Variants in ATP8B4 observed in about 807,000 individuals in gnomAD.
ATP8B4 encodes the protein ATPase phospholipid transporting 8B4 (putative).
Under a neutral mutation model 145.6 loss-of-function variants are expected in ATP8B4, and 133 were observed. That is an observed-to-expected ratio of 0.91 (90% CI 0.79 to 1.05). The LOEUF is 1.05. Ranked by LOEUF, ATP8B4 falls within the 50% of genes least tolerant of loss-of-function variation. ATP8B4 has a pLI of 0.00. For missense variants in ATP8B4, 1,458 were observed against 1,425.2 expected (o/e 1.02, Z -0.37); for synonymous variants, 507 against 492.9 (o/e 1.03, Z -0.38).
intron 3 of ATP8B4, among the ~76,000 whole-genome samples, chr15:50,069,853 A>G (rs1364080730): frequency 2.0e-5 from 3 of 152,308 alleles, no homozygotes; most frequent in African/African-American, 7.2e-5. Flanking sequence ...TACTAAATGG[A>G]GCCCCATCTT....
At chr15:50,091,295 A>G (rs1015424160) in intron 2 of ATP8B4, among the ~76,000 whole-genome samples, 9 of 152,184 alleles carry the variant, frequency 5.9e-5, no homozygotes, top group African/African-American at 2.2e-4. Context: ...TGCTTACCCC[A>G]TATGTCAGAT....
At chr15:50,033,206 T>C (rs1246539156) in intron 6 of ATP8B4, among the ~76,000 whole-genome samples, 3 of 152,228 alleles carry the variant, frequency 2.0e-5, no homozygotes, top group Non-Finnish European at 1.5e-5. Flanking sequence ...AACAGGCCTA[T>C]GAGAGCTTCA....
At chr15:50,054,910 T>A (rs1031720837) in intron 3 of ATP8B4, among the ~76,000 whole-genome samples, 15 of 150,854 alleles carry the variant, frequency 9.9e-5, no homozygotes, top group African/African-American at 3.7e-4. Context: ...AGCTAAACAA[T>A]GTGCCAAATT....
chr15:50,134,807 G>A (rs1254344579), intron 1 of ATP8B4, among the ~76,000 whole-genome samples: 2 of 152,186 alleles, frequency 1.3e-5, no homozygotes, highest in Non-Finnish European at 2.9e-5. Flanking sequence ...AATGGCTAGG[G>A]GAATGTTGGT....
chr15:49,978,785 CAT>C (rs1491544958), intron 12 of ATP8B4, among the ~76,000 whole-genome samples: 87 of 131,378 alleles, frequency 6.6e-4, no homozygotes, highest in Middle Eastern at 4.0e-3. Flanking sequence ...CACACACACA[CAT>C]GCATACATAT....
rs968068616 is a variant in ATP8B4, at chr15:49,858,270, T to C, written c.*1924A>G. The C allele has an allele frequency of 3.9e-5, 6 of 152,194 alleles. No individual in the cohort carries two copies. The highest frequency in any genetic ancestry group is 6.5e-5 in the Admixed American group (1 of 15,272). 9.4% of individuals were successfully genotyped at this position (152,194 alleles called of 1,614,324 possible). On this transcript the variant is annotated 3_prime_UTR_variant, in exon 28 of 28. Coordinates refer to ENST00000284509, the MANE Select transcript of ATP8B4 (RefSeq NM_024837.4). ...AGTGCCAAAACATTTACTGAAAGTT[T>C]TCAAATCTTGCAAAAATGTTACAAA...
intron 2 of ATP8B4, among the ~76,000 whole-genome samples, chr15:50,104,207 G>A (rs2153665929): frequency 6.6e-6 from 1 of 152,224 alleles, no homozygotes; most frequent in African/African-American, 2.4e-5. Flanking sequence ...AAGAGCAAAT[G>A]CAACAAAAAC....
chr15:49,967,855 T>C (rs1471214709), intron 13 of ATP8B4, among the ~76,000 whole-genome samples: 3 of 152,042 alleles, frequency 2.0e-5, no homozygotes, highest in Non-Finnish European at 4.4e-5. Flanking sequence ...AAGGAAAAAA[T>C]GTTAAGCACA....
At chr15:50,053,270 G>A (rs1053980080) in intron 3 of ATP8B4, among the ~76,000 whole-genome samples, 4 of 152,120 alleles carry the variant, frequency 2.6e-5, no homozygotes, top group Middle Eastern at 3.2e-3. Context: ...TAACTTACAC[G>A]AGTTGACACA....
At chr15:50,038,941 C>A in intron 5 of ATP8B4, 112 bp from the exon 6 acceptor site, 1 of 888,038 alleles carries the variant, frequency 1.1e-6, no homozygotes, top group South Asian at 1.5e-5. Flanking sequence ...TGTCACTGGT[C>A]TAAGATGACA....
chr15:50,165,966 AGAG>A (rs759860682), intron 1 of ATP8B4, among the ~76,000 whole-genome samples: 103 of 96,750 alleles, frequency 1.1e-3, no homozygotes, highest in African/African-American at 1.9e-3. Flanking sequence ...AGAGAATCCC[AGAG>A]AACACACACA....
At chr15:50,056,718 C>T (rs57502063) in intron 3 of ATP8B4, among the ~76,000 whole-genome samples, 7,036 of 113,640 alleles carry the variant, frequency 0.062, 377 homozygotes, top group African/African-American at 0.22. Context: ...TATATATATA[C>T]ACACACACAC....
At chr15:50,085,425 TC>T (rs1435932940) in intron 2 of ATP8B4, among the ~76,000 whole-genome samples, 4 of 152,128 alleles carry the variant, frequency 2.6e-5, no homozygotes, top group African/African-American at 4.8e-5. Flanking sequence ...AGTTTGTGTT[TC>T]CTGGAGTCTA....
At position 49,981,199 on chromosome 15, in the gene ATP8B4, A is replaced by G. The variant is rs2046122207; in HGVS notation, c.837+7T>C. 2 of 1,569,722 alleles carry G rather than the reference A, an allele frequency of 1.3e-6. No homozygotes were observed. The highest frequency in any genetic ancestry group is 1.7e-6 in the Non-Finnish European group (2 of 1,145,048). On this transcript the variant is annotated splice_region_variant and intron_variant, in intron 11 of 27. Coordinates refer to ENST00000284509, the MANE Select transcript of ATP8B4 (RefSeq NM_024837.4). The stretch of plus-strand genomic sequence containing the variant: ...GACTAGTGATATTGCCTAGTTTTGT[A>G]ACTTACCCATAGTACTAGAGTATTC...
intron 23 of ATP8B4, among the ~76,000 whole-genome samples, chr15:49,886,963 C>T (rs2036264241): frequency 6.6e-6 from 1 of 152,086 alleles, no homozygotes; most frequent in Non-Finnish European, 1.5e-5. Context: ...GTGCCTGCCA[C>T]CATGCCTGGC....
intron 19 of ATP8B4, among the ~76,000 whole-genome samples, chr15:49,917,757 C>T (rs1383470785): frequency 6.6e-6 from 1 of 152,084 alleles, no homozygotes; most frequent in Non-Finnish European, 1.5e-5. Context: ...TAGACTCTAG[C>T]TAATTCTATG....
intron 2 of ATP8B4, among the ~76,000 whole-genome samples, chr15:50,080,568 T>A (rs1447930800): frequency 6.6e-6 from 1 of 151,902 alleles, no homozygotes; most frequent in Non-Finnish European, 1.5e-5. Flanking sequence ...GTTTAAAAGA[T>A]GAGAGGGACA....
At chr15:49,997,159 C>T (rs2047499787) in intron 8 of ATP8B4, among the ~76,000 whole-genome samples, 2 of 151,714 alleles carry the variant, frequency 1.3e-5, no homozygotes, top group Admixed American at 1.3e-4. Context: ...GTTTTACTTG[C>T]AAAAAATGGT....
intron 1 of ATP8B4, among the ~76,000 whole-genome samples, chr15:50,181,415 T>C (rs926654950): frequency 6.6e-6 from 1 of 152,252 alleles, no homozygotes. Flanking sequence ...TACTATACTA[T>C]TCTCTGACAG....
Sources: gnomAD v4.1 joint callset for allele counts (sites outside exome capture counted in the v4.1 genomes callset) on GRCh38, gnomAD v4.1.1 for gene constraint, MANE v1.5 for transcripts, NCBI Gene and HGNC (gene_info 2026-07-23, HGNC 2026-07-21) for gene names.